Variants in MAN2A1 observed in about 807,000 individuals in gnomAD.
MAN2A1 encodes the protein mannosidase alpha class 2A member 1.
Under a neutral mutation model 142.6 loss-of-function variants are expected in MAN2A1, and 76 were observed. The observed-to-expected ratio is 0.53, with a 90% CI of 0.44 to 0.65. The LOEUF is 0.65. MAN2A1 is among the 30% of genes least tolerant of loss of function. The pLI, the probability that MAN2A1 is intolerant of heterozygous loss-of-function variation, is 0.00. For missense variants in MAN2A1, 1,311 were observed against 1,365.1 expected (o/e 0.96, Z 0.62); for synonymous variants, 559 against 473.2 (o/e 1.18, Z -2.35).
chr5:109,831,541 T>C (rs1050412367), intron 16 of MAN2A1, among the ~76,000 whole-genome samples: 1 of 152,250 alleles, frequency 6.6e-6, no homozygotes, highest in Non-Finnish European at 1.5e-5. Flanking sequence ...TTTATACATT[T>C]AAATAATTGC....
chr5:109,731,949 G>A (rs9716136), intron 4 of MAN2A1, among the ~76,000 whole-genome samples: 110,673 of 150,504 alleles, frequency 0.74, 41,775 homozygotes, highest in East Asian at 0.94. Context: ...TGACTTCCAC[G>A]ATGGTTGAAC....
intron 12 of MAN2A1, among the ~76,000 whole-genome samples, chr5:109,810,603 T>C (rs1754290064): frequency 6.6e-6 from 1 of 152,200 alleles, no homozygotes; most frequent in Admixed American, 6.5e-5. Flanking sequence ...CTCCACAAAA[T>C]GCTCTTTTGA....
chr5:109,736,686 C>G (rs1028283230), intron 4 of MAN2A1, among the ~76,000 whole-genome samples: 11 of 152,186 alleles, frequency 7.2e-5, no homozygotes, highest in African/African-American at 1.9e-4. Flanking sequence ...TTTTGGGAAT[C>G]TGATTTTTTT....
intron 16 of MAN2A1, among the ~76,000 whole-genome samples, chr5:109,832,291 C>A (rs1217349568): frequency 6.7e-6 from 1 of 148,468 alleles, no homozygotes; most frequent in Non-Finnish European, 1.5e-5. Context: ...GAACAAGGGT[C>A]TCTGGTTTTC....
intron 1 of MAN2A1, among the ~76,000 whole-genome samples, chr5:109,696,607 C>G (rs1247126923): frequency 1.3e-5 from 2 of 152,176 alleles, no homozygotes; most frequent in Non-Finnish European, 2.9e-5. Context: ...CTAGCAGCAT[C>G]CTTGCTGTCT....
At chr5:109,795,746 G>A (rs1224418800) in intron 12 of MAN2A1, among the ~76,000 whole-genome samples, 1 of 152,174 alleles carries the variant, frequency 6.6e-6, no homozygotes, top group Non-Finnish European at 1.5e-5. Flanking sequence ...AACTAGAAAA[G>A]TGAACAAATA....
chr5:109,833,839 C>T (rs1338583410), intron 16 of MAN2A1, among the ~76,000 whole-genome samples: 1 of 152,182 alleles, frequency 6.6e-6, no homozygotes, highest in African/African-American at 2.4e-5. Flanking sequence ...TAAAGATCTA[C>T]TGCCTGACAA....
At position 109,780,550 on chromosome 5, in the gene MAN2A1, A is replaced by G. The variant is rs376900422; in HGVS notation, c.1375-846A>G. ...TGTGTGTGTGTGTGTGTGTGTGTGT[A>G]TGTGTGTAGGAAACAACAAAATCCG... On this transcript the variant is annotated intron_variant, in intron 8 of 21. Transcript: ENST00000261483. 6.1e-3 allele frequency among the ~76,000 whole-genome samples: 792 copies of G among 130,680 alleles called. 3 individuals are homozygous for G. The highest frequency in any genetic ancestry group is 0.02 in the African/African-American group (657 of 33,490). The allele number at this position is 130,680 out of a possible 152,430, so 85.7% of individuals were successfully genotyped here. A position where few individuals can be genotyped will look rare whatever the true frequency, so the allele number is the denominator to read the frequency against.
rs761684525 is a variant in MAN2A1 at position 109,713,579 on chromosome 5, T to C, written c.195T>C (p.Asn65=). ...IDHLERLLAE[N]NEIISNIRDS... is the part of the protein sequence containing the mutation. ...ATTTGGAGCGTTTGCTAGCTGAGAA[T>C]AATGAGATCATCTCAAATATTAGAG... Residue 65 remains asparagine, a synonymous_variant, in exon 2 of 22, where the codon AAT becomes AAC. Transcript: ENST00000261483. The C allele has an allele frequency of 2.7e-5, 43 of 1,613,876 alleles. No homozygotes were observed. Among genetic ancestry groups the C allele is most frequent in the Non-Finnish European group, 3.6e-5 (42 of 1,179,852 alleles).
intron 16 of MAN2A1, among the ~76,000 whole-genome samples, chr5:109,839,858 T>C (rs1053614352): frequency 1.3e-5 from 2 of 152,020 alleles, no homozygotes; most frequent in African/African-American, 4.8e-5. Flanking sequence ...TATCACTAGA[T>C]TGTTATTTTT....
At chr5:109,786,332 C>A (rs1418340654) in intron 10 of MAN2A1, among the ~76,000 whole-genome samples, 1 of 152,012 alleles carries the variant, frequency 6.6e-6, no homozygotes, top group Admixed American at 6.6e-5. Flanking sequence ...CAGGGTAGAG[C>A]TCCTAAGAGG....
chr5:109,777,325 T>C (rs1446735182), intron 8 of MAN2A1, among the ~76,000 whole-genome samples: 1 of 152,112 alleles, frequency 6.6e-6, no homozygotes, highest in African/African-American at 2.4e-5. Context: ...TTAATGAGGT[T>C]GAGTCTCTTT....
At chr5:109,745,693 A>G (rs953775730) in intron 4 of MAN2A1, among the ~76,000 whole-genome samples, 4 of 152,136 alleles carry the variant, frequency 2.6e-5, no homozygotes, top group African/African-American at 9.7e-5. Context: ...ATCATAGCTC[A>G]CTGCAACCTC....
chr5:109,770,343 T>C lies in MAN2A1; in HGVS notation c.1010-12T>C, dbSNP rs1463307795. 1.2e-6 allele frequency: 2 copies of C among 1,606,856 alleles called. No homozygotes were observed. Among genetic ancestry groups the C allele is most frequent in the South Asian group, 2.2e-5 (2 of 90,278 alleles). On this transcript the variant is annotated splice_polypyrimidine_tract_variant and intron_variant, in intron 6 of 21. Coordinates refer to ENST00000261483, the MANE Select transcript of MAN2A1 (RefSeq NM_002372.4). ...TATAAATGCAGGTTTGTGTGTTGGC[T>C]CTTTATTTTAGATCTGGGATCTGTC... is the stretch of plus-strand genomic sequence containing the variant.
At chr5:109,774,003 A>G (rs1582883464) in intron 7 of MAN2A1, among the ~76,000 whole-genome samples, 1 of 152,154 alleles carries the variant, frequency 6.6e-6, no homozygotes, top group African/African-American at 2.4e-5. Context: ...GACTTTCTTA[A>G]ATGATGCCCT....
intron 17 of MAN2A1, among the ~76,000 whole-genome samples, chr5:109,843,622 CAT>C (rs1328229936): frequency 6.6e-6 from 1 of 152,102 alleles, no homozygotes; most frequent in African/African-American, 2.4e-5. Flanking sequence ...CACAGACACA[CAT>C]GTATACATAT....
intron 20 of MAN2A1, chr5:109,862,878 A>C (rs534851199): frequency 6.6e-6 from 1 of 152,316 alleles, no homozygotes; most frequent in South Asian, 2.1e-4. Context: ...TTTGAGAGAA[A>C]GTATAACTTT....
intron 4 of MAN2A1, among the ~76,000 whole-genome samples, chr5:109,732,164 T>G (rs1296303047): frequency 6.6e-6 from 1 of 150,912 alleles, no homozygotes; most frequent in Non-Finnish European, 1.5e-5. Flanking sequence ...TGTCTTCTTT[T>G]GAGAAGTGTC....
chr5:109,797,960 C>T (rs138710926), intron 12 of MAN2A1, among the ~76,000 whole-genome samples: 205 of 152,220 alleles, frequency 1.3e-3, no homozygotes, highest in African/African-American at 4.7e-3. Flanking sequence ...CACAGGCACA[C>T]TTCCCATATT....
Sources: gnomAD v4.1 joint callset for allele counts (sites outside exome capture counted in the v4.1 genomes callset) on GRCh38, gnomAD v4.1.1 for gene constraint, MANE v1.5 for transcripts, NCBI Gene and HGNC (gene_info 2026-07-23, HGNC 2026-07-21) for gene names.